Variants in SPRYD7 observed in about 807,000 individuals in gnomAD.
The protein encoded by SPRYD7 is SPRY domain containing 7.
SPRYD7 carries 14 observed loss-of-function variants against 23.8 expected under a neutral mutation model. The ratio of observed to expected loss-of-function variants is 0.59; its 90% CI spans 0.39 to 0.92. SPRYD7 has a LOEUF of 0.92. Among genes scored for constraint, SPRYD7 ranks in the 40% least tolerant of loss-of-function variants. The pLI is 0.00. For synonymous variants in SPRYD7, 75 were observed against 84.9 expected (o/e 0.88, Z 0.64); for missense variants, 194 against 241.7 (o/e 0.80, Z 1.31).
chr13:49,919,892 T>C (rs957487214), intron 4 of SPRYD7, among the ~76,000 whole-genome samples: 3 of 151,330 alleles, frequency 2.0e-5, no homozygotes, highest in Non-Finnish European at 2.9e-5. Flanking sequence ...GGCATTTGCC[T>C]CAAAATAACC....
intron 3 of SPRYD7, among the ~76,000 whole-genome samples, chr13:49,922,481 A>G (rs1259409280): frequency 1.3e-5 from 2 of 152,110 alleles, no homozygotes; most frequent in East Asian, 3.8e-4. Context: ...TAAAGCACAG[A>G]AAGATTAAGT....
chr13:49,927,773 G>A (rs1955898827), intron 3 of SPRYD7, 146 bp downstream of exon 3: 4 of 767,346 alleles, frequency 5.2e-6, no homozygotes, highest in Non-Finnish European at 8.3e-6. Flanking sequence ...TACACCAAGT[G>A]CTCTCCTGGA....
intron 1 of SPRYD7, 55 bp downstream of exon 1, chr13:49,936,075 C>G (rs1871611520): frequency 1.4e-6 from 2 of 1,388,732 alleles, no homozygotes; most frequent in African/African-American, 2.9e-5. Flanking sequence ...GGTCCCCCTG[C>G]CCGCCGCGCC....
At chr13:49,932,425 A>C (rs1871424409) in intron 1 of SPRYD7, among the ~76,000 whole-genome samples, 1 of 152,240 alleles carries the variant, frequency 6.6e-6, no homozygotes, top group African/African-American at 2.4e-5. Flanking sequence ...TATAGATGAG[A>C]GTGAGAAAGA....
chr13:49,923,694 C>T (rs1306119182), intron 3 of SPRYD7, among the ~76,000 whole-genome samples: 6 of 152,076 alleles, frequency 3.9e-5, no homozygotes. Context: ...ACTCTGTCGC[C>T]CAGGCTGGAG....
At chr13:49,925,379 G>A (rs1566404850) in intron 3 of SPRYD7, among the ~76,000 whole-genome samples, 1 of 152,054 alleles carries the variant, frequency 6.6e-6, no homozygotes. Flanking sequence ...GCAACAGAGT[G>A]AGACTCCATC....
chr13:49,936,189 C>T lies in SPRYD7; in HGVS notation c.47G>A (p.Gly16Glu), dbSNP rs1300085973. Residue 16 changes from glycine (G) to glutamate (E), a missense_variant, in exon 1 of 5, where the codon GGG (glycine) becomes GAG (glutamate). Coordinates refer to ENST00000361840, the MANE Select transcript of SPRYD7 (RefSeq NM_020456.4). Reference protein sequence around the residue: ...LCCLRCCRDGGTGHIPLKEMP... With the variant: ...LCCLRCCRDGETGHIPLKEMP... ...CTCCTTCAGAGGGATGTGGCCAGTCCCCCCGTCTCTGCAGCACCGCAGGCA... is the reference window on the plus strand; with the variant it reads ...CTCCTTCAGAGGGATGTGGCCAGTCTCCCCGTCTCTGCAGCACCGCAGGCA... 3 of 1,609,812 alleles carry T rather than the reference C, an allele frequency of 1.9e-6. No homozygotes were observed. The highest frequency in any genetic ancestry group is 2.2e-5 in the East Asian group (1 of 44,606).
rs761392618 is a variant in SPRYD7 at position 49,928,045 on chromosome 13, C to G, written c.264G>C (p.Leu88Phe). Reference protein sequence around the residue: ...GIGVATQKVNLNQIPLGRDMH... With the variant: ...GIGVATQKVNFNQIPLGRDMH... ...TATCTCGGCCAAGAGGAATCTGATT[C>G]AAGTTAACCTTCTGAGTTGCAACAC... The change falls in exon 3 of 5, where the codon TTG becomes TTC. Residue 88 changes from leucine (L) to phenylalanine (F), a missense_variant. By Grantham distance (22) the Leu-to-Phe change is conservative. Coordinates refer to ENST00000361840, the MANE Select transcript of SPRYD7 (RefSeq NM_020456.4). 18 of 1,613,968 alleles carry G rather than the reference C, an allele frequency of 1.1e-5. No homozygotes were observed. The highest frequency in any genetic ancestry group is 1.5e-5 in the Non-Finnish European group (18 of 1,180,012).
In SPRYD7 at chr13:49,913,700, A is replaced by G. The variant is rs1955719403; in HGVS notation, c.*1363T>C. 6.6e-6 allele frequency: 1 copy of G among 151,180 alleles called. No homozygotes were observed. Among genetic ancestry groups the G allele is most frequent in the Non-Finnish European group, 1.5e-5 (1 of 67,810 alleles). The allele number at this position is 151,180 out of a possible 1,614,324, so 9.4% of individuals were successfully genotyped here. On this transcript the variant is annotated 3_prime_UTR_variant, in exon 5 of 5. Coordinates refer to ENST00000361840, the MANE Select transcript of SPRYD7 (RefSeq NM_020456.4). ...ACCACACCTGGCTAATTTTTTTTGT[A>G]TTTTTTTAGTAGAGCCAGGGTTTCA...
chr13:49,916,309 T>C (rs1313848015), intron 4 of SPRYD7, among the ~76,000 whole-genome samples: 1 of 152,168 alleles, frequency 6.6e-6, no homozygotes, highest in Admixed American at 6.5e-5. Flanking sequence ...ATTTGTTAAA[T>C]TGCACATATA....
intron 1 of SPRYD7, among the ~76,000 whole-genome samples, chr13:49,934,207 C>T (rs1223889901): frequency 6.6e-6 from 1 of 152,060 alleles, no homozygotes; most frequent in African/African-American, 2.4e-5. Context: ...TATTCAGGTT[C>T]TCAAATCAGG....
intron 3 of SPRYD7, among the ~76,000 whole-genome samples, chr13:49,922,840 A>G (rs964761215): frequency 6.6e-6 from 1 of 151,954 alleles, no homozygotes; most frequent in African/African-American, 2.4e-5. Flanking sequence ...TTTATAGATC[A>G]TCTTAGTCTT....
chr13:49,921,083 C>T (rs1486958921), intron 4 of SPRYD7, among the ~76,000 whole-genome samples: 4 of 152,138 alleles, frequency 2.6e-5, no homozygotes, highest in Non-Finnish European at 5.9e-5. Context: ...ACCCAAATCT[C>T]GTCTTGAATT....
intron 2 of SPRYD7, among the ~76,000 whole-genome samples, chr13:49,930,660 C>T (rs1955937693): frequency 6.6e-6 from 1 of 152,116 alleles, no homozygotes; most frequent in South Asian, 2.1e-4. Flanking sequence ...GTATATGCTG[C>T]TTATATGTTT....
At chr13:49,927,522 A>G (rs1325305031) in intron 3 of SPRYD7, among the ~76,000 whole-genome samples, 1 of 152,032 alleles carries the variant, frequency 6.6e-6, no homozygotes, top group African/African-American at 2.4e-5. Flanking sequence ...AAGAAGAAAT[A>G]AATGTGAACA....
chr13:49,928,872 C>T (rs1955914548), intron 2 of SPRYD7, among the ~76,000 whole-genome samples: 1 of 152,162 alleles, frequency 6.6e-6, no homozygotes, highest in African/African-American at 2.4e-5. Context: ...AATGTACTGT[C>T]TTCAGTTTTT....
rs947503001 is a variant in SPRYD7, at chr13:49,912,784, A to G, written c.*2279T>C. On this transcript the variant is annotated 3_prime_UTR_variant, in exon 5 of 5. Coordinates refer to ENST00000361840, the MANE Select transcript of SPRYD7 (RefSeq NM_020456.4). ...CAAATTAAAATTATGATAGAAAGCC[A>G]GACAAAATGCATAATACATACATAG... The G allele has an allele frequency of 6.6e-6, 1 of 152,232 alleles. No individual in the cohort carries two copies. The highest frequency in any genetic ancestry group is 1.5e-5 in the Non-Finnish European group (1 of 68,040). 9.4% of individuals were successfully genotyped at this position (152,232 alleles called of 1,614,324 possible).
intron 3 of SPRYD7, among the ~76,000 whole-genome samples, chr13:49,924,133 C>T (rs1955851820): frequency 6.6e-6 from 1 of 152,104 alleles, no homozygotes; most frequent in African/African-American, 2.4e-5. Context: ...CAGGCATGCA[C>T]CACTACGCCT....
chr13:49,927,322 C>T (rs1450096298), intron 3 of SPRYD7, among the ~76,000 whole-genome samples: 1 of 151,982 alleles, frequency 6.6e-6, no homozygotes, highest in African/African-American at 2.4e-5. Flanking sequence ...TGGCGAAACC[C>T]CGTCTCTACT....
Sources: gnomAD v4.1 joint callset for allele counts (sites outside exome capture counted in the v4.1 genomes callset) on GRCh38, gnomAD v4.1.1 for gene constraint, MANE v1.5 for transcripts, NCBI Gene and HGNC (gene_info 2026-07-23, HGNC 2026-07-21) for gene names.